The following ERP44 variants were observed in gnomAD, a reference collection of about 807,000 sequenced individuals.
The protein encoded by ERP44 is endoplasmic reticulum resident protein 44.
Under a neutral mutation model 53.4 loss-of-function variants are expected in ERP44, and 25 were observed. The ratio of observed to expected loss-of-function variants is 0.47; its 90% CI spans 0.34 to 0.65. The LOEUF is 0.65. Ranked by LOEUF, ERP44 falls within the 30% of genes least tolerant of loss-of-function variation. The pLI is 0.01. For synonymous variants in ERP44, 145 were observed against 161.2 expected, an observed-to-expected ratio of 0.90 and a Z score of 0.76; for missense variants, 338 against 493.2, an observed-to-expected ratio of 0.69 and a Z score of 2.98.
intron 10 of ERP44, among the ~76,000 whole-genome samples, chr9:99,985,975 C>G (rs935775143): frequency 5.9e-5 from 9 of 152,194 alleles, no homozygotes; most frequent in Admixed American, 1.3e-4. Context: ...TAAACTGACA[C>G]AACTTCACTT....
intron 10 of ERP44, among the ~76,000 whole-genome samples, chr9:99,995,920 C>CTTTTTTTTTTTTTTTTTTTTTTT (rs34632626): frequency 4.1e-5 from 5 of 121,438 alleles, no homozygotes; most frequent in Non-Finnish European, 6.9e-5. Flanking sequence ...TAGGGTAGTT[C>CTTTTTTTTTTTTTTTTTTTTTTT]TTTTTTTTTT....
At chr9:100,028,055 T>C (rs1830672306) in intron 4 of ERP44, among the ~76,000 whole-genome samples, 1 of 152,228 alleles carries the variant, frequency 6.6e-6, no homozygotes, top group Non-Finnish European at 1.5e-5. Context: ...CTTCACTTCA[T>C]ATTTTCTTGT....
intron 10 of ERP44, among the ~76,000 whole-genome samples, chr9:99,994,258 T>C (rs553279468): frequency 5.3e-5 from 8 of 152,170 alleles, no homozygotes; most frequent in Admixed American, 5.2e-4. Context: ...AAACAAAGTG[T>C]CCATCAGTGA....
chr9:99,991,312 CTG>C (rs1165674697), intron 10 of ERP44, among the ~76,000 whole-genome samples: 1 of 151,474 alleles, frequency 6.6e-6, no homozygotes, highest in Non-Finnish European at 1.5e-5. Context: ...TCACAGCAAA[CTG>C]TCTCTCAGAC....
chr9:99,996,993 G>GTATA (rs60268138), intron 10 of ERP44, among the ~76,000 whole-genome samples: 2,262 of 143,580 alleles, frequency 0.016, 28 homozygotes, highest in South Asian at 0.047. Flanking sequence ...ATATGTGTGT[G>GTATA]TATATATATA....
At chr9:100,005,233 C>G (rs7037362) in intron 10 of ERP44, among the ~76,000 whole-genome samples, 104,492 of 152,040 alleles carry the variant, frequency 0.69, 37,139 homozygotes, top group East Asian at 0.91. Flanking sequence ...TACCTACCTT[C>G]GGCATCAATA....
chr9:99,981,388 CAT>C lies in ERP44; in HGVS notation c.*1222_*1223del, dbSNP rs1195654164. The C allele has an allele frequency of 6.6e-6, 1 of 152,530 alleles. No individual in the cohort carries two copies. The highest frequency in any genetic ancestry group is 1.5e-5 in the Non-Finnish European group (1 of 68,030). 9.4% of individuals were successfully genotyped at this position (152,530 alleles called of 1,614,324 possible). A position where few individuals can be genotyped will look rare whatever the true frequency, so the allele number is the denominator to read the frequency against. The stretch of plus-strand genomic sequence containing the variant: ...ATATTACATACTACATATAATGGCA[CAT>C]GTCAGCCTTTTAAGCTTAAAAATAA... On this transcript the variant is annotated 3_prime_UTR_variant, in exon 12 of 12. Transcript: ENST00000262455.
At position 99,981,327 on chromosome 9, in the gene ERP44, T is replaced by C. The variant is rs1587951303; in HGVS notation, c.*1285A>G. 1 of 152,586 alleles carries C rather than the reference T, an allele frequency of 6.6e-6. No individual in the cohort carries two copies. The highest frequency in any genetic ancestry group is 1.5e-5 in the Non-Finnish European group (1 of 68,040). The allele number at this position is 152,586 out of a possible 1,614,324, so 9.5% of individuals were successfully genotyped here. A position where few individuals can be genotyped will look rare whatever the true frequency, so the allele number is the denominator to read the frequency against. ...AATCATTAAATATCCATTATAAATA[T>C]TAATTTTATTTTAAAAGAATTGGAA... On this transcript the variant is annotated 3_prime_UTR_variant, in exon 12 of 12. Transcript: ENST00000262455.
At chr9:100,064,679 A>G (rs1231357567) in intron 1 of ERP44, among the ~76,000 whole-genome samples, 2 of 152,160 alleles carry the variant, frequency 1.3e-5, no homozygotes, top group African/African-American at 4.8e-5. Flanking sequence ...TTGGTTAATG[A>G]GAGGCTACAT....
Position 100,052,490 on chromosome 9 carries a change from A to C in ERP44, c.213T>G (p.Ala71=). 6.2e-7 allele frequency: 1 copy of C among 1,612,910 alleles called. No individual in the cohort carries two copies. Among genetic ancestry groups the C allele is most frequent in the Non-Finnish European group, 8.5e-7 (1 of 1,179,456 alleles). Residue 71 remains alanine (A), a synonymous_variant, in exon 4 of 12, where the codon GCT becomes GCG. Transcript: ENST00000262455. The part of the protein sequence containing the change: ...SQMLHPIFEE[A]SDVIKEEFPN... Reference sequence around the variant, plus strand: ...GAAATTCTTCCTTAATGACATCGGAAGCTTCCTCAAAAATTGGATGCAACA... The same window carrying C: ...GAAATTCTTCCTTAATGACATCGGACGCTTCCTCAAAAATTGGATGCAACA...
At chr9:100,071,093 G>GTTTTGGT (rs1554710304) in intron 1 of ERP44, among the ~76,000 whole-genome samples, 4 of 119,584 alleles carry the variant, frequency 3.3e-5, no homozygotes, top group African/African-American at 1.3e-4. Flanking sequence ...ATTATATAAG[G>GTTTTGGT]TTTTTTTTTT....
intron 1 of ERP44, among the ~76,000 whole-genome samples, chr9:100,068,381 G>T (rs568551350): frequency 7.8e-6 from 1 of 127,974 alleles, no homozygotes; most frequent in African/African-American, 3.0e-5. Flanking sequence ...GGAGGGAGGT[G>T]GGGGGGTCAG....
chr9:100,066,224 CAAGT>C (rs1459308453), intron 1 of ERP44, among the ~76,000 whole-genome samples: 1 of 152,210 alleles, frequency 6.6e-6, no homozygotes, highest in African/African-American at 2.4e-5. Context: ...AACACAAGTA[CAAGT>C]AAGACTCATC....
In ERP44 at chr9:99,982,464, G is replaced by T; in HGVS notation, c.*148C>A. On this transcript the variant is annotated 3_prime_UTR_variant, in exon 12 of 12. Transcript: ENST00000262455. ...TATATTAAATGACAATGCATTTTGAGTCGGGGAGAAAAAAATTAAAAACCC... is the reference window on the plus strand; with the variant it reads ...TATATTAAATGACAATGCATTTTGATTCGGGGAGAAAAAAATTAAAAACCC... The T allele has an allele frequency of 2.9e-6, 1 of 344,674 alleles. No homozygotes were observed. The highest frequency in any genetic ancestry group is 5.1e-6 in the Non-Finnish European group (1 of 194,504). The allele number at this position is 344,674 out of a possible 1,614,324, so 21.4% of individuals were successfully genotyped here. A position where few individuals can be genotyped will look rare whatever the true frequency, so the allele number is the denominator to read the frequency against.
intron 10 of ERP44, chr9:99,999,087 G>C: frequency 1.4e-6 from 1 of 691,834 alleles, no homozygotes; most frequent in Non-Finnish European, 2.6e-6. Flanking sequence ...GCGCACGGCC[G>C]TTCCCACAGC....
At chr9:100,034,837 A>G (rs72731369) in intron 4 of ERP44, among the ~76,000 whole-genome samples, 21,862 of 152,254 alleles carry the variant, frequency 0.14, 2,092 homozygotes, top group Middle Eastern at 0.23. Context: ...CTACAAGGCT[A>G]TGATAACCAG....
At chr9:100,071,121 G>A (rs970549595) in intron 1 of ERP44, among the ~76,000 whole-genome samples, 14 of 112,246 alleles carry the variant, frequency 1.2e-4, no homozygotes, top group African/African-American at 4.2e-4. Context: ...TTGAGACAAG[G>A]TCTTGTTCTG....
chr9:100,063,892 C>T (rs1826183664), intron 1 of ERP44, among the ~76,000 whole-genome samples: 1 of 152,126 alleles, frequency 6.6e-6, no homozygotes, highest in Non-Finnish European at 1.5e-5. Context: ...CCAACTATTA[C>T]AACATTTCAG....
chr9:100,089,597 A>G (rs1469047685), intron 1 of ERP44, among the ~76,000 whole-genome samples: 1 of 151,304 alleles, frequency 6.6e-6, no homozygotes, highest in Non-Finnish European at 1.5e-5. Flanking sequence ...AAAAAAAAAA[A>G]AAAAAAGATA....
Sources: allele counts gnomAD v4.1 joint callset (sites outside exome capture counted in the v4.1 genomes callset), GRCh38; gene constraint gnomAD v4.1.1; transcripts MANE v1.5; gene names NCBI Gene and HGNC (gene_info 2026-07-23, HGNC 2026-07-21).